The following CAMK1D variants were observed in gnomAD, a reference collection of about 807,000 sequenced individuals.
CAMK1D encodes calcium/calmodulin-dependent protein kinase type 1D.
A neutral mutation model predicts 47.7 loss-of-function variants in CAMK1D; 9 were observed. The ratio of observed to expected loss-of-function variants is 0.19; its 90% CI spans 0.11 to 0.33. The LOEUF is 0.33. CAMK1D is among the 10% of genes least tolerant of loss of function. The pLI is 1.00. For synonymous variants in CAMK1D, 184 were observed against 184.9 expected, an observed-to-expected ratio of 0.99 and a Z score of 0.04; for missense variants, 291 against 488.7, an observed-to-expected ratio of 0.60 and a Z score of 3.81.
intron 5 of CAMK1D, among the ~76,000 whole-genome samples, chr10:12,777,619 C>A (rs966934058): frequency 1.3e-5 from 2 of 152,100 alleles, no homozygotes; most frequent in African/African-American, 4.8e-5. Context: ...GGTGATCCAC[C>A]TGTCTCGGCC....
intron 3 of CAMK1D, among the ~76,000 whole-genome samples, chr10:12,694,165 C>T (rs185071683): frequency 0.012 from 155 of 12,826 alleles, 47 homozygotes; most frequent in African/African-American, 0.019. Context: ...ATATATTATG[C>T]ATAATATATA....
In CAMK1D at chr10:12,694,169, ATATATATTATATATAATATAATATATAT is replaced by A. The variant is rs1833104322; in HGVS notation, c.299+27370_299+27397del. ...TAATATATAATATATATTATGCATA[ATATATATTATATATAATATAATATATAT>A]TATATATTATGTATAATATAAAATA... is the stretch of plus-strand genomic sequence containing the variant. On this transcript the variant is annotated intron_variant, in intron 3 of 10. Coordinates refer to ENST00000619168, the MANE Select transcript of CAMK1D (RefSeq NM_153498.4). Among the ~76,000 whole-genome samples, 5 of 43,400 alleles carry A rather than the reference ATATATATTATATATAATATAATATATAT, an allele frequency of 1.2e-4. 2 individuals carry two copies. The highest frequency in any genetic ancestry group is 2.0e-4 in the Non-Finnish European group (5 of 25,460). The allele number at this position is 43,400 out of a possible 152,430, so 28.5% of individuals were successfully genotyped here.
intron 3 of CAMK1D, among the ~76,000 whole-genome samples, chr10:12,693,995 AATAT>A (rs1491239137): frequency 9.2e-5 from 7 of 76,082 alleles, no homozygotes; most frequent in African/African-American, 3.6e-4. Flanking sequence ...ATATACATAT[AATAT>A]ATATAATATA....
chr10:12,652,572 A>G (rs950797822), intron 2 of CAMK1D, among the ~76,000 whole-genome samples: 1 of 152,140 alleles, frequency 6.6e-6, no homozygotes, highest in Non-Finnish European at 1.5e-5. Flanking sequence ...TGGGCGACAG[A>G]GCGAGACTCC....
chr10:12,606,616 C>T (rs371644815), intron 2 of CAMK1D, among the ~76,000 whole-genome samples: 4 of 152,176 alleles, frequency 2.6e-5, no homozygotes, highest in African/African-American at 7.2e-5. Context: ...AGGGGTTGCA[C>T]GTGCTCATTT....
At chr10:12,609,280 G>A (rs190439472) in intron 2 of CAMK1D, among the ~76,000 whole-genome samples, 9 of 152,282 alleles carry the variant, frequency 5.9e-5, no homozygotes, top group African/African-American at 2.2e-4. Context: ...GTAGAGCATC[G>A]CTCCCCAATC....
chr10:12,448,996 C>G (rs1833002591), intron 1 of CAMK1D, among the ~76,000 whole-genome samples: 2 of 152,140 alleles, frequency 1.3e-5, no homozygotes, highest in African/African-American at 4.8e-5. Flanking sequence ...CTTGTAAACA[C>G]TTAGAATAGT....
intron 1 of CAMK1D, among the ~76,000 whole-genome samples, chr10:12,471,409 T>G (rs1228944477): frequency 6.6e-6 from 1 of 152,180 alleles, no homozygotes; most frequent in East Asian, 1.9e-4. Context: ...AACCTGTTTC[T>G]TAGTGGCCAG....
chr10:12,756,450 C>T (rs1836230328), intron 3 of CAMK1D, among the ~76,000 whole-genome samples: 1 of 152,102 alleles, frequency 6.6e-6, no homozygotes, highest in South Asian at 2.1e-4. Context: ...CCAGCAACTT[C>T]AAAATGATGT....
At chr10:12,689,862 A>G (rs1020298185) in intron 3 of CAMK1D, among the ~76,000 whole-genome samples, 5 of 151,780 alleles carry the variant, frequency 3.3e-5, no homozygotes, top group African/African-American at 9.7e-5. Flanking sequence ...AAGTGGGGGG[A>G]AAATGAGGTC....
At chr10:12,765,795 AG>A (rs1286434730) in intron 4 of CAMK1D, among the ~76,000 whole-genome samples, 2 of 152,130 alleles carry the variant, frequency 1.3e-5, no homozygotes, top group Admixed American at 6.5e-5. Flanking sequence ...GGTGAAATGC[AG>A]GGGGGTTTTA....
At chr10:12,692,574 A>G (rs1208896066) in intron 3 of CAMK1D, among the ~76,000 whole-genome samples, 1 of 152,236 alleles carries the variant, frequency 6.6e-6, no homozygotes, top group African/African-American at 2.4e-5. Context: ...AGCCATAAAC[A>G]ATAATGTTGG....
intron 1 of CAMK1D, among the ~76,000 whole-genome samples, chr10:12,448,741 T>C (rs769825617): frequency 6.6e-6 from 1 of 152,228 alleles, no homozygotes; most frequent in Non-Finnish European, 1.5e-5. Flanking sequence ...TTTGTACTAT[T>C]TTTAAAGAAA....
intron 1 of CAMK1D, among the ~76,000 whole-genome samples, chr10:12,363,050 C>T (rs34289642): frequency 0.23 from 35,091 of 151,264 alleles, 4,327 homozygotes; most frequent in East Asian, 0.37. Flanking sequence ...AAGCAATTCT[C>T]CTGTCTCAGC....
At chr10:12,584,530 G>T (rs947237168) in intron 2 of CAMK1D, among the ~76,000 whole-genome samples, 2 of 152,168 alleles carry the variant, frequency 1.3e-5, no homozygotes, top group African/African-American at 2.4e-5. Context: ...ACTCAGAAAG[G>T]CCCAGTAGGC....
At chr10:12,579,699 C>T (rs1039631769) in intron 2 of CAMK1D, among the ~76,000 whole-genome samples, 8 of 152,326 alleles carry the variant, frequency 5.3e-5, no homozygotes, top group Admixed American at 2.0e-4. Flanking sequence ...TCCAGTGTTA[C>T]GCAAACATGA....
At chr10:12,748,769 G>A (rs1384053818) in intron 3 of CAMK1D, among the ~76,000 whole-genome samples, 1 of 152,162 alleles carries the variant, frequency 6.6e-6, no homozygotes, top group Non-Finnish European at 1.5e-5. Flanking sequence ...GCCAGTTGTG[G>A]TGGTGCACAC....
intron 3 of CAMK1D, among the ~76,000 whole-genome samples, chr10:12,719,788 C>G (rs1183979920): frequency 2.0e-5 from 3 of 152,210 alleles, no homozygotes; most frequent in Non-Finnish European, 4.4e-5. Context: ...AGGATGAAAC[C>G]TATGGATAAC....
intron 1 of CAMK1D, among the ~76,000 whole-genome samples, chr10:12,365,716 G>A (rs899850227): frequency 2.0e-5 from 3 of 152,162 alleles, no homozygotes; most frequent in Non-Finnish European, 4.4e-5. Context: ...GGGATTACAG[G>A]TGTAAGCCAC....
Sources: allele counts gnomAD v4.1 joint callset (sites outside exome capture counted in the v4.1 genomes callset), GRCh38; gene constraint gnomAD v4.1.1; transcripts MANE v1.5; gene names NCBI Gene and HGNC (gene_info 2026-07-23, HGNC 2026-07-21).